Variants in TLN2 observed in about 807,000 individuals in gnomAD.
TLN2 encodes talin-2.
In TLN2, 118 loss-of-function variants were observed where a neutral mutation model predicts 294.7. The observed-to-expected ratio is 0.40, with a 90% CI of 0.34 to 0.47. The LOEUF (loss-of-function observed/expected upper bound fraction) is 0.47, where lower values mean the gene tolerates loss of function less well. Among genes scored for constraint, TLN2 ranks in the 20% least tolerant of loss-of-function variants. The probability of loss-of-function intolerance (pLI) is 0.84; values close to 1 mark genes in which losing one functional copy is unlikely to be tolerated. For missense variants in TLN2, 3,083 were observed against 3,282.2 expected (o/e 0.94, Z 1.48); for synonymous variants, 1,431 against 1,304.5 (o/e 1.10, Z -2.09).
chr15:62,527,341 T>C (rs553434613), intron 1 of TLN2, among the ~76,000 whole-genome samples: 1 of 152,300 alleles, frequency 6.6e-6, no homozygotes, highest in South Asian at 2.1e-4. Flanking sequence ...CTTGTATTGC[T>C]GAGGCTGGGG....
chr15:62,757,467 A>G (rs2062358338), intron 37 of TLN2, among the ~76,000 whole-genome samples: 1 of 152,232 alleles, frequency 6.6e-6, no homozygotes, highest in South Asian at 2.1e-4. Flanking sequence ...CATTATATTT[A>G]GATGGACCAA....
chr15:62,414,793 C>T (rs929619470), intron 1 of TLN2, among the ~76,000 whole-genome samples: 6 of 141,286 alleles, frequency 4.2e-5, no homozygotes, highest in South Asian at 2.7e-4. Flanking sequence ...TCTGGCTGGA[C>T]GGAACCCTCG....
chr15:62,797,078 T>C, intron 47 of TLN2, 141 bp from the exon 48 acceptor site: 1 of 853,042 alleles, frequency 1.2e-6, no homozygotes, highest in Admixed American at 2.8e-5. Flanking sequence ...AGTCCGTTGG[T>C]AAAGGGAGGT....
At chr15:62,793,886 C>A (rs1023311124) in intron 46 of TLN2, among the ~76,000 whole-genome samples, 55 of 151,942 alleles carry the variant, frequency 3.6e-4, no homozygotes, top group African/African-American at 1.3e-3. Context: ...GAAGCTGCTG[C>A]CACAGAGGCT....
chr15:62,778,892 C>G (rs963569096), intron 43 of TLN2, among the ~76,000 whole-genome samples: 1 of 152,246 alleles, frequency 6.6e-6, no homozygotes, highest in Non-Finnish European at 1.5e-5. Context: ...TCCTCATTCC[C>G]ATTCTCCCTT....
At chr15:62,692,204 A>G (rs2057980006) in intron 12 of TLN2, among the ~76,000 whole-genome samples, 1 of 152,228 alleles carries the variant, frequency 6.6e-6, no homozygotes, top group South Asian at 2.1e-4. Flanking sequence ...TCCCTGGGCT[A>G]CCTGCTATTG....
intron 1 of TLN2, among the ~76,000 whole-genome samples, chr15:62,428,846 C>T: frequency 6.6e-6 from 1 of 152,136 alleles, no homozygotes; most frequent in East Asian, 1.9e-4. Flanking sequence ...ATAATGTGTG[C>T]TTATTAATAA....
chr15:62,767,013 G>A (rs980047937), intron 41 of TLN2, among the ~76,000 whole-genome samples: 1 of 152,144 alleles, frequency 6.6e-6, no homozygotes, highest in East Asian at 1.9e-4. Context: ...CTTCAAGGAC[G>A]GTTGGCTTGT....
chr15:62,755,749 G>A (rs1186741228), intron 37 of TLN2, 56 bp downstream of exon 37: 2 of 1,595,472 alleles, frequency 1.3e-6, no homozygotes, highest in East Asian at 2.2e-5. Flanking sequence ...TCTGGCGGGG[G>A]AAGGGGAACA....
At chr15:62,829,177 A>G (rs2068519734) in intron 54 of TLN2, 1 of 144,044 alleles carries the variant, frequency 6.9e-6, no homozygotes, top group Admixed American at 7.0e-5. Context: ...ATTATATTAT[A>G]TATATATAAT....
chr15:62,504,190 A>AAC (rs967539278), intron 1 of TLN2, among the ~76,000 whole-genome samples: 3 of 152,202 alleles, frequency 2.0e-5, no homozygotes, highest in Non-Finnish European at 4.4e-5. Flanking sequence ...AATAAAAGGA[A>AAC]ACAGATACCG....
intron 47 of TLN2, 130 bp from the exon 48 acceptor site, chr15:62,797,089 G>A: frequency 1.0e-6 from 1 of 985,234 alleles, no homozygotes; most frequent in South Asian, 1.6e-5. Context: ...AAAGGGAGGT[G>A]TAACACAGCA....
intron 3 of TLN2, among the ~76,000 whole-genome samples, chr15:62,632,908 C>T (rs1453574243): frequency 3.4e-5 from 5 of 148,608 alleles, no homozygotes; most frequent in East Asian, 2.0e-4. Flanking sequence ...TTAGAGTAAC[C>T]GAAAGTGGGC....
chr15:62,751,142 A>G (rs1355439462), intron 34 of TLN2, among the ~76,000 whole-genome samples: 3 of 152,118 alleles, frequency 2.0e-5, no homozygotes, highest in Admixed American at 2.0e-4. Flanking sequence ...GTGGAACAAT[A>G]ATAAAAAAAA....
At chr15:62,747,951 G>A (rs1194330139) in intron 32 of TLN2, among the ~76,000 whole-genome samples, 1 of 152,124 alleles carries the variant, frequency 6.6e-6, no homozygotes, top group African/African-American at 2.4e-5. Flanking sequence ...AGTAGGCAGC[G>A]GAGGAGGAGG....
At chr15:62,402,363 G>T (rs1408560822) in intron 1 of TLN2, among the ~76,000 whole-genome samples, 1 of 152,110 alleles carries the variant, frequency 6.6e-6, no homozygotes, top group East Asian at 1.9e-4. Context: ...TTTCTCTTTT[G>T]TCTTATTGCC....
chr15:62,529,595 G>T (rs1389957720), intron 1 of TLN2, among the ~76,000 whole-genome samples: 1 of 148,916 alleles, frequency 6.7e-6, no homozygotes, highest in East Asian at 2.0e-4. Flanking sequence ...TACATCCACA[G>T]AGGGTGGATA....
At chr15:62,725,136 G>A (rs751728312) in intron 27 of TLN2, 32 bp downstream of exon 27, 54 of 1,584,940 alleles carry the variant, frequency 3.4e-5, no homozygotes, top group Non-Finnish European at 4.6e-5. Context: ...GGGTGCGGGT[G>A]TACCTTTTGT....
chr15:62,752,962 A>G (rs1264651859), intron 35 of TLN2, among the ~76,000 whole-genome samples: 2 of 152,334 alleles, frequency 1.3e-5, no homozygotes, highest in East Asian at 3.9e-4. Context: ...TCATCATTTG[A>G]CAGTTACCTT....
Sources: allele counts gnomAD v4.1 joint callset (sites outside exome capture counted in the v4.1 genomes callset), GRCh38; gene constraint gnomAD v4.1.1; transcripts MANE v1.5; gene names NCBI Gene and HGNC (gene_info 2026-07-23, HGNC 2026-07-21).